The following FAM117B variants were observed in gnomAD, a reference collection of about 807,000 sequenced individuals.
FAM117B encodes family with sequence similarity 117 member B.
Under a neutral mutation model 52.8 loss-of-function variants are expected in FAM117B, and 22 were observed. That is an observed-to-expected ratio of 0.42 (90% CI 0.30 to 0.59). The LOEUF is 0.59. Among genes scored for constraint, FAM117B ranks in the 20% least tolerant of loss-of-function variants. FAM117B has a pLI of 0.22. For synonymous variants in FAM117B, 309 were observed against 324.1 expected (o/e 0.95, Z 0.50); for missense variants, 678 against 802.6 (o/e 0.84, Z 1.88).
At chr2:202,661,253 G>A (rs561641966) in intron 1 of FAM117B, among the ~76,000 whole-genome samples, 3 of 152,290 alleles carry the variant, frequency 2.0e-5, no homozygotes, top group African/African-American at 7.2e-5. Flanking sequence ...ATAGAAGTGT[G>A]TTAGTTCATC....
intron 4 of FAM117B, among the ~76,000 whole-genome samples, chr2:202,749,474 A>G (rs959868242): frequency 2.0e-5 from 3 of 151,946 alleles, no homozygotes; most frequent in African/African-American, 2.4e-5. Context: ...TCAGAACACT[A>G]GGTACGATCT....
chr2:202,652,191 C>T lies in FAM117B; in HGVS notation c.601+16403C>T, dbSNP rs568007228. On this transcript the variant is annotated intron_variant, in intron 1 of 7. Transcript: ENST00000392238. ...TTGGTTCGCTGCAGCCTCGACCTCC[C>T]TAGCTTAAGTGATCCTCCCACCTCA... Among the ~76,000 whole-genome samples, 3 of 152,098 alleles carry T rather than the reference C, an allele frequency of 2.0e-5. No homozygotes were observed. The South Asian group carries it at 6.2e-4, about 32-fold the overall frequency.
intron 1 of FAM117B, among the ~76,000 whole-genome samples, chr2:202,669,877 T>G (rs1420111511): frequency 2.0e-5 from 3 of 152,220 alleles, no homozygotes; most frequent in African/African-American, 7.2e-5. Flanking sequence ...ACAACTCAGC[T>G]TAAACTAAGC....
intron 1 of FAM117B, among the ~76,000 whole-genome samples, chr2:202,694,492 A>C (rs957441479): frequency 1.3e-5 from 2 of 151,938 alleles, no homozygotes; most frequent in Admixed American, 6.6e-5. Context: ...CGCCTGGCCA[A>C]AACCAACTTT....
rs1180310801 is a variant in FAM117B, at chr2:202,649,621, G to T, written c.601+13833G>T. Among the ~76,000 whole-genome samples, 8 of 151,326 alleles carry T rather than the reference G, an allele frequency of 5.3e-5. No homozygotes were observed. In the East Asian group the frequency reaches 1.4e-3, roughly 26 times the overall value. Reference sequence around the variant, plus strand: ...GGCTGGAGTGCAATGGCGTGATCTCGGCACATTGCAACCTGTGCCTCCCGG... The same window carrying T: ...GGCTGGAGTGCAATGGCGTGATCTCTGCACATTGCAACCTGTGCCTCCCGG... On this transcript the variant is annotated intron_variant, in intron 1 of 7. Coordinates refer to ENST00000392238, the MANE Select transcript of FAM117B (RefSeq NM_173511.4).
intron 2 of FAM117B, among the ~76,000 whole-genome samples, chr2:202,717,271 G>A (rs562201339): frequency 7.9e-5 from 12 of 152,256 alleles, no homozygotes; most frequent in African/African-American, 2.6e-4. Flanking sequence ...AGGAGTTTGC[G>A]ACCAGCCTGG....
rs1690903349 is a variant in FAM117B, at chr2:202,708,169, C to T, written c.753+12137C>T. Among the ~76,000 whole-genome samples, 3 of 152,334 alleles carry T rather than the reference C, an allele frequency of 2.0e-5. No individual in the cohort carries two copies. The South Asian group carries it at 6.2e-4, about 32-fold the overall frequency. On this transcript the variant is annotated intron_variant, in intron 2 of 7. Transcript: ENST00000392238. The stretch of plus-strand genomic sequence containing the variant: ...TAGGTATGATAATTATACAGCAGAT[C>T]TCTAGAACTTACTCATTTTGCTTAA...
chr2:202,765,383 T>G, intron 7 of FAM117B, 63 bp from the exon 8 acceptor site: 1 of 1,441,068 alleles, frequency 6.9e-7, no homozygotes, highest in Non-Finnish European at 9.4e-7. Flanking sequence ...TCCAAGCTTT[T>G]TTTTTTTTTT....
intron 1 of FAM117B, among the ~76,000 whole-genome samples, chr2:202,646,040 T>TA (rs1689856891): frequency 7.3e-6 from 1 of 137,472 alleles, no homozygotes; most frequent in South Asian, 2.3e-4. Flanking sequence ...TGTTTTTTTT[T>TA]TTTTGAGATG....
chr2:202,716,805 ACT>A (rs1368141317), intron 2 of FAM117B, among the ~76,000 whole-genome samples: 2 of 151,668 alleles, frequency 1.3e-5, no homozygotes, highest in African/African-American at 4.9e-5. Flanking sequence ...CTACTAAAAG[ACT>A]CTAATGCATT....
At chr2:202,653,620 A>G (rs1450461201) in intron 1 of FAM117B, among the ~76,000 whole-genome samples, 1 of 152,054 alleles carries the variant, frequency 6.6e-6, no homozygotes, top group Non-Finnish European at 1.5e-5. Context: ...CTTGAAAACT[A>G]TTTTCTTGTC....
chr2:202,729,355 G>C (rs1691304912), intron 4 of FAM117B, among the ~76,000 whole-genome samples: 1 of 151,826 alleles, frequency 6.6e-6, no homozygotes, highest in Non-Finnish European at 1.5e-5. Flanking sequence ...AATTTAAAAA[G>C]AAACTCTTAG....
At chr2:202,738,512 T>A (rs540403568) in intron 4 of FAM117B, among the ~76,000 whole-genome samples, 65 of 152,338 alleles carry the variant, frequency 4.3e-4, no homozygotes, top group African/African-American at 1.5e-3. Context: ...TATCTAAGAT[T>A]AGTGAAGTAC....
At chr2:202,691,465 C>T (rs1409861404) in intron 1 of FAM117B, among the ~76,000 whole-genome samples, 4 of 149,492 alleles carry the variant, frequency 2.7e-5, no homozygotes, top group Admixed American at 1.4e-4. Flanking sequence ...TAATCTTTGG[C>T]GGACTGGTTG....
intron 1 of FAM117B, among the ~76,000 whole-genome samples, chr2:202,677,467 A>G (rs1690396967): frequency 6.6e-6 from 1 of 152,176 alleles, no homozygotes; most frequent in Admixed American, 6.5e-5. Flanking sequence ...CTCTAATAGT[A>G]TGGACATACC....
intron 1 of FAM117B, among the ~76,000 whole-genome samples, chr2:202,664,101 C>T (rs1294121749): frequency 5.3e-5 from 8 of 152,164 alleles, no homozygotes; most frequent in Admixed American, 5.2e-4. Context: ...TAATACATTC[C>T]AGTTCATTTA....
rs1159219470 is a variant in FAM117B at position 202,768,044 on chromosome 2, CTG to C, written c.*2281_*2282del. 6.6e-6 allele frequency: 1 copy of C among 151,956 alleles called. No individual in the cohort carries two copies. The highest frequency in any genetic ancestry group is 1.5e-5 in the Non-Finnish European group (1 of 67,960). The allele number at this position is 151,956 out of a possible 1,614,324, so 9.4% of individuals were successfully genotyped here. A position where few individuals can be genotyped will look rare whatever the true frequency, so the allele number is the denominator to read the frequency against. On this transcript the variant is annotated 3_prime_UTR_variant, in exon 8 of 8. Transcript: ENST00000392238. ...CAGAAGTTCAGAAGAAAAGGTAAAA[CTG>C]AAATCAGAATGGGGGTAGAGGAAGT...
chr2:202,665,829 G>GACC (rs760411796), intron 1 of FAM117B, among the ~76,000 whole-genome samples: 13 of 152,316 alleles, frequency 8.5e-5, no homozygotes, highest in Admixed American at 2.6e-4. Flanking sequence ...TCGAACTCCT[G>GACC]ACCTCGGGTG....
chr2:202,721,075 A>G (rs912704464), intron 2 of FAM117B, among the ~76,000 whole-genome samples: 5 of 152,254 alleles, frequency 3.3e-5, no homozygotes, highest in African/African-American at 1.2e-4. Flanking sequence ...GTTTTCCTAA[A>G]TAGAGGGATT....
Sources: allele counts gnomAD v4.1 joint callset (sites outside exome capture counted in the v4.1 genomes callset), GRCh38; gene constraint gnomAD v4.1.1; transcripts MANE v1.5; gene names NCBI Gene and HGNC (gene_info 2026-07-23, HGNC 2026-07-21).